The following BFSP2 variants were observed in gnomAD, a reference collection of about 807,000 sequenced individuals.
BFSP2 encodes beaded filament structural protein 2.
In BFSP2, 38 loss-of-function variants were observed where a neutral mutation model predicts 44.9. That is an observed-to-expected ratio of 0.85 (90% CI 0.65 to 1.11). The LOEUF is 1.11. Among genes scored for constraint, BFSP2 ranks in the 50% least tolerant of loss-of-function variants. The pLI is 0.00. For synonymous variants in BFSP2, 197 were observed against 209.9 expected (o/e 0.94, Z 0.53); for missense variants, 525 against 533.0 (o/e 0.99, Z 0.15).
rs577052976 is a variant in BFSP2 at position 133,454,351 on chromosome 3, G to A, written c.891+3887G>A. On this transcript the variant is annotated intron_variant, in intron 4 of 6. Transcript: ENST00000302334. Reference sequence around the variant, plus strand: ...ATCTCTTTTTTAAAAAATCCTTTTTGTCCCCTATGCTCTTACAAAATGCTT... The same window carrying A: ...ATCTCTTTTTTAAAAAATCCTTTTTATCCCCTATGCTCTTACAAAATGCTT... 3.9e-5 allele frequency among the ~76,000 whole-genome samples: 6 copies of A among 152,142 alleles called. No individual in the cohort carries two copies. The South Asian group carries it at 1.2e-3, about 32-fold the overall frequency.
At chr3:133,435,892 C>T (rs1390243540) in intron 1 of BFSP2, among the ~76,000 whole-genome samples, 2 of 152,190 alleles carry the variant, frequency 1.3e-5, no homozygotes, top group Non-Finnish European at 2.9e-5. Context: ...TTTTTCTACT[C>T]AAGCTTCACC....
intron 1 of BFSP2, among the ~76,000 whole-genome samples, chr3:133,417,593 C>A (rs1347695325): frequency 7.5e-6 from 1 of 133,908 alleles, no homozygotes; most frequent in Admixed American, 7.2e-5. Flanking sequence ...TGCCATCTCC[C>A]CTCTACTCAC....
intron 1 of BFSP2, among the ~76,000 whole-genome samples, chr3:133,414,463 C>T (rs2073489110): frequency 8.6e-6 from 1 of 115,690 alleles, no homozygotes; most frequent in Non-Finnish European, 1.8e-5. Context: ...CTACTCACCC[C>T]TGCCCTCTCT....
At chr3:133,425,784 G>GGAAGGGAAGGGAAGGGAA (rs1352394957) in intron 1 of BFSP2, among the ~76,000 whole-genome samples, 6 of 13,244 alleles carry the variant, frequency 4.5e-4, no homozygotes, top group South Asian at 0.011. Flanking sequence ...AAAGGGAAAG[G>GGAAGGGAAGGGAAGGGAA]GAAGGGAAGG....
intron 1 of BFSP2, among the ~76,000 whole-genome samples, chr3:133,425,171 T>C (rs1360141008): frequency 6.6e-6 from 1 of 152,200 alleles, no homozygotes. Flanking sequence ...GGTTTTATTA[T>C]GGTCATTCAT....
intron 5 of BFSP2, among the ~76,000 whole-genome samples, chr3:133,468,827 T>C (rs756329836): frequency 5.3e-5 from 8 of 152,202 alleles, no homozygotes; most frequent in Non-Finnish European, 1.2e-4. Context: ...GGAGTGGAGA[T>C]AATTGTTGTA....
intron 1 of BFSP2, among the ~76,000 whole-genome samples, chr3:133,444,777 G>T (rs375036459): frequency 6.6e-6 from 1 of 151,702 alleles, no homozygotes; most frequent in African/African-American, 2.4e-5. Flanking sequence ...TGATCACATC[G>T]TTCGTCCAGG....
At chr3:133,419,311 T>C (rs2073571985) in intron 1 of BFSP2, among the ~76,000 whole-genome samples, 1 of 152,212 alleles carries the variant, frequency 6.6e-6, no homozygotes, top group South Asian at 2.1e-4. Context: ...AAGGACACGA[T>C]TCAGCCCGTA....
rs2073650099 is a variant in BFSP2 at position 133,425,996 on chromosome 3, AGGGC to A, written c.490-21320_490-21317del. On this transcript the variant is annotated intron_variant, in intron 1 of 6. Coordinates refer to ENST00000302334, the MANE Select transcript of BFSP2 (RefSeq NM_003571.4). Reference sequence around the variant, plus strand: ...GGGGGAGGGGAAGGCAGGGCAGGGCAGGGCAGGGAAAGGAAGGGAAGGGAAGGGA... The same window carrying A: ...GGGGGAGGGGAAGGCAGGGCAGGGCAAGGGAAAGGAAGGGAAGGGAAGGGA... Among the ~76,000 whole-genome samples the A allele has an allele frequency of 4.3e-5, 2 of 46,496 alleles. 1 individual carries two copies. Among genetic ancestry groups the A allele is most frequent in the African/African-American group, 2.6e-4 (2 of 7,608 alleles). 30.5% of individuals were successfully genotyped at this position (46,496 alleles called of 152,430 possible). A position where few individuals can be genotyped will look rare whatever the true frequency, so the allele number is the denominator to read the frequency against.
At chr3:133,442,255 T>C (rs994308355) in intron 1 of BFSP2, among the ~76,000 whole-genome samples, 9 of 152,172 alleles carry the variant, frequency 5.9e-5, no homozygotes, top group African/African-American at 1.4e-4. Context: ...TCCTCCCACA[T>C]CAGTCTCCCA....
rs767590441 is a variant in BFSP2 at position 133,400,067 on chromosome 3, CAG to C, written c.-14_-13del. 22 of 1,613,988 alleles carry C rather than the reference CAG, an allele frequency of 1.4e-5. No individual in the cohort carries two copies. The South Asian group carries it at 2.3e-4, about 17-fold the overall frequency. On this transcript the variant is annotated 5_prime_UTR_variant, in exon 1 of 7. Transcript: ENST00000302334. This position sits in a 1 kb window ranked among gnomAD's most constrained non-coding sequence, Gnocchi z 4.0. ...GACTCTGTAAACCCACTGGGCACCA[CAG>C]AGGCAGAAGGGGTGATGAGTGAGAG...
At chr3:133,406,443 C>T (rs2073405611) in intron 1 of BFSP2, among the ~76,000 whole-genome samples, 1 of 152,146 alleles carries the variant, frequency 6.6e-6, no homozygotes, top group Admixed American at 6.5e-5. Flanking sequence ...ATGTGAGTTC[C>T]ATGTTGGGAA....
chr3:133,424,244 A>ATGTG (rs1559963502), intron 1 of BFSP2, among the ~76,000 whole-genome samples: 1 of 145,138 alleles, frequency 6.9e-6, no homozygotes, highest in African/African-American at 2.5e-5. Context: ...TTTTTTTTGT[A>ATGTG]TTTTTAGTAG....
At chr3:133,415,222 C>CCTCTA (rs1382548889) in intron 1 of BFSP2, among the ~76,000 whole-genome samples, 1 of 96,998 alleles carries the variant, frequency 1.0e-5, no homozygotes, top group Non-Finnish European at 2.2e-5. Context: ...TGCCCTCTCC[C>CCTCTA]CTCACCTCTG....
intron 1 of BFSP2, among the ~76,000 whole-genome samples, chr3:133,414,719 C>T: frequency 1.4e-5 from 2 of 143,308 alleles, no homozygotes; most frequent in Non-Finnish European, 3.1e-5. Context: ...ACTGCCCTAT[C>T]CCCTCTACTT....
At chr3:133,447,498 C>A in intron 2 of BFSP2, 99 bp downstream of exon 2, 1 of 1,240,486 alleles carries the variant, frequency 8.1e-7, no homozygotes, top group Non-Finnish European at 1.1e-6. Flanking sequence ...CCACCTTCTA[C>A]CTCAGGGGAA....
intron 5 of BFSP2, 113 bp from the exon 6 acceptor site, chr3:133,472,232 C>T: frequency 1.6e-6 from 2 of 1,218,904 alleles, no homozygotes; most frequent in South Asian, 1.3e-5. Flanking sequence ...AGGTCCCTGC[C>T]ACGAGGGGAA....
At chr3:133,402,298 C>T (rs900294722) in intron 1 of BFSP2, among the ~76,000 whole-genome samples, 2 of 152,172 alleles carry the variant, frequency 1.3e-5, no homozygotes, top group Non-Finnish European at 2.9e-5. Context: ...CTACAAGAGC[C>T]TTTGCAACTT....
intron 1 of BFSP2, among the ~76,000 whole-genome samples, chr3:133,421,106 G>T (rs1350297901): frequency 2.0e-5 from 3 of 152,202 alleles, no homozygotes; most frequent in African/African-American, 7.2e-5. Context: ...GGAGGAACCT[G>T]TCCTCTCTGG....
Sources: gnomAD v4.1 joint callset for allele counts (sites outside exome capture counted in the v4.1 genomes callset) on GRCh38, gnomAD v4.1.1 for gene constraint, Gnocchi (gnomAD v3.1) non-coding constraint, MANE v1.5 for transcripts, NCBI Gene and HGNC (gene_info 2026-07-23, HGNC 2026-07-21) for gene names.